The following CNKSR2 variants were observed in gnomAD, a reference collection of about 807,000 sequenced individuals.
CNKSR2 encodes the protein CNK homolog protein 2.
In CNKSR2, 14 loss-of-function variants were observed where a neutral mutation model predicts 84.4. That is an observed-to-expected ratio of 0.17 (90% CI 0.11 to 0.26). CNKSR2 has a LOEUF of 0.26. CNKSR2 is among the 10% of genes least tolerant of loss of function. CNKSR2 has a pLI of 1.00. For missense variants in CNKSR2, 485 were observed against 771.2 expected, an observed-to-expected ratio of 0.63 and a Z score of 4.40; for synonymous variants, 275 against 277.9, an observed-to-expected ratio of 0.99 and a Z score of 0.10.
At chrX:21,590,717 T>C (rs1019309018) in intron 14 of CNKSR2, 97 bp downstream of exon 14, 1 of 933,738 alleles carries the variant, frequency 1.1e-6, no homozygotes, top group African/African-American at 1.9e-5. Flanking sequence ...GAGCCCAGTG[T>C]GGTTTAGAAG....
intron 3 of CNKSR2, among the ~76,000 whole-genome samples, chrX:21,433,307 T>C (rs2090660105): frequency 9.0e-6 from 1 of 111,645 alleles, no homozygotes; most frequent in Non-Finnish European, 1.9e-5. Context: ...TTGGATATCA[T>C]AAACACACTT....
Position 21,410,900 on chromosome X carries a change from G to T in CNKSR2, c.65-15597G>T, listed in dbSNP as rs992333398. On this transcript the variant is annotated intron_variant, in intron 1 of 21. Coordinates refer to ENST00000379510, the MANE Select transcript of CNKSR2 (RefSeq NM_014927.5). ...AATGTGTGTTTGTGTGTGTGTGTTT[G>T]TGTGTGTGTGTGTGTGGATTTGAAA... is the stretch of plus-strand genomic sequence containing the variant. Among the ~76,000 whole-genome samples, 13 of 108,171 alleles carry T rather than the reference G, an allele frequency of 1.2e-4. No homozygotes were observed. The Admixed American group carries it at 1.3e-3, about 11-fold the overall frequency. 93.9% of individuals were successfully genotyped at this position (108,171 alleles called of 115,157 possible). A position where few individuals can be genotyped will look rare whatever the true frequency, so the allele number is the denominator to read the frequency against.
intron 8 of CNKSR2, among the ~76,000 whole-genome samples, chrX:21,502,798 T>C (rs1224440027): frequency 9.0e-6 from 1 of 111,694 alleles, no homozygotes; most frequent in Non-Finnish European, 1.9e-5. Flanking sequence ...GTGTTGGTAG[T>C]AGACAAAGCC....
In CNKSR2 at chrX:21,599,565, G is replaced by A. The variant is rs757269552; in HGVS notation, c.1977-1717G>A. Among the ~76,000 whole-genome samples, 5 of 111,040 alleles carry A rather than the reference G, an allele frequency of 4.5e-5. No homozygotes were observed. The East Asian group carries it at 1.1e-3, about 25-fold the overall frequency. On this transcript the variant is annotated intron_variant, in intron 17 of 21. Coordinates refer to ENST00000379510, the MANE Select transcript of CNKSR2 (RefSeq NM_014927.5). The stretch of plus-strand genomic sequence containing the variant: ...TATTTAGTAGAGACTGGGTTTCACC[G>A]TGTTGGTGAGGCTGGTTTCGAACTC...
chrX:21,462,357 C>A (rs2091071959), intron 4 of CNKSR2, among the ~76,000 whole-genome samples: 1 of 111,504 alleles, frequency 9.0e-6, no homozygotes. Context: ...TGTAGAAATG[C>A]TACTGATTTT....
At chrX:21,417,629 G>A (rs1285477659) in intron 1 of CNKSR2, among the ~76,000 whole-genome samples, 2 of 111,216 alleles carry the variant, frequency 1.8e-5, no homozygotes, top group Admixed American at 1.9e-4. Flanking sequence ...AAATTCTCTT[G>A]TTGAATTGGC....
At chrX:21,645,420 T>G (rs1218410705) in intron 20 of CNKSR2, 4 of 112,240 alleles carry the variant, frequency 3.6e-5, no homozygotes, top group African/African-American at 1.3e-4. Flanking sequence ...GAAATTTATT[T>G]CTGCATAGGC....
At chrX:21,595,614 A>G (rs1216853443) in intron 17 of CNKSR2, among the ~76,000 whole-genome samples, 1 of 111,567 alleles carries the variant, frequency 9.0e-6, no homozygotes, top group Non-Finnish European at 1.9e-5. Context: ...TACCAAGACC[A>G]TATACAGACC....
intron 1 of CNKSR2, among the ~76,000 whole-genome samples, chrX:21,400,521 T>G (rs945120830): frequency 1.3e-4 from 15 of 111,468 alleles, no homozygotes; most frequent in African/African-American, 4.5e-4. Context: ...CTCAAATGAA[T>G]AAATGAAGGA....
At chrX:21,454,096 C>A (rs913830887) in intron 4 of CNKSR2, among the ~76,000 whole-genome samples, 1 of 111,592 alleles carries the variant, frequency 9.0e-6, no homozygotes. Context: ...TCCTCTCATC[C>A]TTCCAACCTC....
intron 1 of CNKSR2, among the ~76,000 whole-genome samples, chrX:21,400,167 T>G (rs2090171385): frequency 9.0e-6 from 1 of 111,408 alleles, no homozygotes; most frequent in Non-Finnish European, 1.9e-5. Context: ...TTCAATGAAA[T>G]AATGTATTTT....
At chrX:21,602,153 T>G (rs766467578) in intron 18 of CNKSR2, among the ~76,000 whole-genome samples, 71 of 110,457 alleles carry the variant, frequency 6.4e-4, no homozygotes, top group South Asian at 4.7e-3. Context: ...TTGTTTGTTT[T>G]TTTGAAGTAA....
chrX:21,478,609 G>A lies in CNKSR2; in HGVS notation c.561+7802G>A, dbSNP rs773285972. On this transcript the variant is annotated intron_variant, in intron 5 of 21. Coordinates refer to ENST00000379510, the MANE Select transcript of CNKSR2 (RefSeq NM_014927.5). The stretch of plus-strand genomic sequence containing the variant: ...AAGTACAATTCTTGTCCTCACAGTA[G>A]TATTCATTTTTGTTGGGGAGTCAAG... Among the ~76,000 whole-genome samples, 3 of 111,818 alleles carry A rather than the reference G, an allele frequency of 2.7e-5. No individual in the cohort carries two copies. The South Asian group carries it at 1.1e-3, about 42-fold the overall frequency.
At chrX:21,648,481 C>T (rs2092711895) in intron 20 of CNKSR2, among the ~76,000 whole-genome samples, 1 of 111,157 alleles carries the variant, frequency 9.0e-6, no homozygotes, top group Non-Finnish European at 1.9e-5. Context: ...TGTTGTGTGC[C>T]TTTTGTATTC....
At chrX:21,450,664 A>G (rs967104563) in intron 4 of CNKSR2, among the ~76,000 whole-genome samples, 3 of 111,439 alleles carry the variant, frequency 2.7e-5, no homozygotes, top group Admixed American at 9.6e-5. Flanking sequence ...TGCACCCTTT[A>G]TTTGAGTTTA....
At chrX:21,570,999 C>T (rs2092279915) in intron 13 of CNKSR2, among the ~76,000 whole-genome samples, 1 of 112,281 alleles carries the variant, frequency 8.9e-6, no homozygotes, top group Admixed American at 9.4e-5. Flanking sequence ...ATCTTCTATC[C>T]AGACCACTTA....
chrX:21,641,049 GTCAA>G (rs760622357), intron 20 of CNKSR2, among the ~76,000 whole-genome samples: 9 of 111,992 alleles, frequency 8.0e-5, no homozygotes, highest in Non-Finnish European at 1.9e-5. Flanking sequence ...TATATATCAG[GTCAA>G]TCAAATACCC....
intron 4 of CNKSR2, among the ~76,000 whole-genome samples, chrX:21,449,433 A>G (rs910922128): frequency 4.5e-5 from 5 of 110,881 alleles, no homozygotes; most frequent in African/African-American, 1.6e-4. Context: ...AAAAACACTA[A>G]TAACCCATGA....
chrX:21,421,112 C>G (rs963988135), intron 1 of CNKSR2, among the ~76,000 whole-genome samples: 2 of 110,987 alleles, frequency 1.8e-5, no homozygotes, highest in African/African-American at 6.6e-5. Context: ...AATGCTCCCT[C>G]TGTGGGTGGG....
Sources: gnomAD v4.1 joint callset for allele counts (sites outside exome capture counted in the v4.1 genomes callset) on GRCh38, gnomAD v4.1.1 for gene constraint, MANE v1.5 for transcripts, NCBI Gene and HGNC (gene_info 2026-07-23, HGNC 2026-07-21) for gene names.